RAB27A: variants seen among roughly 807,000 people sequenced by gnomAD.
The protein encoded by RAB27A is ras-related protein Rab-27A.
In RAB27A, 17 loss-of-function variants were observed where a neutral mutation model predicts 20.8. The observed-to-expected ratio is 0.82, with a 90% CI of 0.56 to 1.23. The LOEUF (loss-of-function observed/expected upper bound fraction) is 1.23. Ranked by LOEUF, RAB27A falls within the 50% of genes most tolerant of loss-of-function variation. The pLI is 0.00. For synonymous variants in RAB27A, 85 were observed against 92.8 expected, an observed-to-expected ratio of 0.92 and a Z score of 0.48; for missense variants, 277 against 266.7, an observed-to-expected ratio of 1.04 and a Z score of -0.27.
chr15:55,237,755 T>C (rs191560778), intron 2 of RAB27A, among the ~76,000 whole-genome samples: 7 of 152,140 alleles, frequency 4.6e-5, no homozygotes, highest in Admixed American at 6.5e-5. Flanking sequence ...GATCCTGCAG[T>C]GAGAATGATG....
Position 55,260,806 on chromosome 15 carries a change from C to T in RAB27A, c.-23+9359G>A, listed in dbSNP as rs185425359. Among the ~76,000 whole-genome samples the T allele has an allele frequency of 1.4e-3, 210 of 152,226 alleles. 1 individual carries two copies. Among genetic ancestry groups the T allele is most frequent in the African/African-American group, 4.9e-3 (202 of 41,528 alleles). ...AAGAGATGAATAGGCAGAGAACAGACGATTTTTAGGGCAGTGAAACTATTT... is the reference window on the plus strand; with the variant it reads ...AAGAGATGAATAGGCAGAGAACAGATGATTTTTAGGGCAGTGAAACTATTT... On this transcript the variant is annotated intron_variant, in intron 2 of 6. Transcript: ENST00000336787.
chr15:55,283,924 T>C (rs1031688319), intron 1 of RAB27A, among the ~76,000 whole-genome samples: 3 of 152,202 alleles, frequency 2.0e-5, no homozygotes, highest in Non-Finnish European at 4.4e-5. Flanking sequence ...CATACCCTGA[T>C]AGGACTTGAC....
chr15:55,251,773 A>G (rs548112877), intron 2 of RAB27A, among the ~76,000 whole-genome samples: 19 of 152,280 alleles, frequency 1.2e-4, no homozygotes, highest in Admixed American at 3.3e-4. Context: ...AAAAGTTCAG[A>G]TTTTCTCTAC....
chr15:55,303,853 C>T (rs1706791950), intron 2 of RAB27A, among the ~76,000 whole-genome samples: 1 of 137,486 alleles, frequency 7.3e-6, no homozygotes, highest in Non-Finnish European at 1.5e-5. Flanking sequence ...GGTCAGCCCC[C>T]CTGCCCAGCC....
In RAB27A at chr15:55,215,722, G is replaced by A. The variant is rs560729784; in HGVS notation, c.467+8167C>T. On this transcript the variant is annotated intron_variant, in intron 6 of 6. Coordinates refer to ENST00000336787, the MANE Select transcript of RAB27A (RefSeq NM_183235.3). Reference sequence around the variant, plus strand: ...CACGCCTGTAATCCCAGCACTTTGGGAGGCTGAGACGGGTGGATCACCTGA... The same window carrying A: ...CACGCCTGTAATCCCAGCACTTTGGAAGGCTGAGACGGGTGGATCACCTGA... Among the ~76,000 whole-genome samples the A allele has an allele frequency of 7.3e-5, 11 of 151,182 alleles. No individual in the cohort carries two copies. The South Asian group carries it at 2.3e-3, about 32-fold the overall frequency.
At chr15:55,316,234 C>CAA (rs1186678422) in intron 1 of RAB27A, among the ~76,000 whole-genome samples, 27 of 53,840 alleles carry the variant, frequency 5.0e-4, no homozygotes, top group African/African-American at 1.1e-3. Flanking sequence ...GACTCCGTCT[C>CAA]AAAAAAAAAA....
In RAB27A at chr15:55,228,632, A is replaced by C. The variant is rs1477388225; in HGVS notation, c.320T>G (p.Phe107Cys). The C allele has an allele frequency of 1.9e-6, 3 of 1,609,820 alleles. No individual in the cohort carries two copies. Among genetic ancestry groups the C allele is most frequent in the African/African-American group, 1.3e-5 (1 of 74,834 alleles). The change falls in exon 5 of 7, where the codon TTC becomes TGC. Residue 107 changes from phenylalanine to cysteine, a missense_variant. Physicochemically the swap from Phe to Cys is radical, Grantham distance 205. Coordinates refer to ENST00000336787, the MANE Select transcript of RAB27A (RefSeq NM_183235.3). ...ACTTATCCAGTTTCTGACATTGAGG[A>C]AACTTTGCTCATTTGTCAGATCAAA... Reference protein sequence around the residue: ...LLFDLTNEQSFLNVRNWISQL... With the variant: ...LLFDLTNEQSCLNVRNWISQL...
In RAB27A at chr15:55,286,908, T is replaced by C. The variant is rs530357349; in HGVS notation, c.-143+2808A>G. 1.5e-3 allele frequency among the ~76,000 whole-genome samples: 209 copies of C among 138,644 alleles called. 4 individuals carry two copies. In the South Asian group the frequency reaches 0.047, roughly 31 times the overall value. The allele number at this position is 138,644 out of a possible 152,430, so 91.0% of individuals were successfully genotyped here. On this transcript the variant is annotated intron_variant, in intron 1 of 6. Coordinates refer to ENST00000336787, the MANE Select transcript of RAB27A (RefSeq NM_183235.3). ...TGAGAAATGGTTATCATCCTAGATG[T>C]ATTCTTTTTTTTTTTTTTTTTTTTT...
upstream of RAB27A, among the ~76,000 whole-genome samples, chr15:55,294,589 G>GAAAAAAAAAAAAAAA (rs1181179911): frequency 7.2e-4 from 21 of 29,184 alleles, no homozygotes; most frequent in East Asian, 2.5e-3. Flanking sequence ...CCCTGTCTCC[G>GAAAAAAAAAAAAAAA]AAAAAAAAAA....
intron 4 of RAB27A, 36 bp from the exon 5 acceptor site, chr15:55,228,748 C>T (rs373147091): frequency 6.3e-5 from 89 of 1,410,422 alleles, no homozygotes; most frequent in Middle Eastern, 3.5e-4. Flanking sequence ...AGTTAAACCA[C>T]GGCCCCACTC....
At chr15:55,307,675 G>A (rs969728308) in intron 2 of RAB27A, among the ~76,000 whole-genome samples, 2 of 151,160 alleles carry the variant, frequency 1.3e-5, no homozygotes, top group African/African-American at 2.4e-5. Context: ...ACCAGTGAAA[G>A]TATCTACCCA....
Position 55,204,960 on chromosome 15 carries a change from T to G in RAB27A, c.*547A>C, listed in dbSNP as rs1894571280. 1 of 172,248 alleles carries G rather than the reference T, an allele frequency of 5.8e-6. No individual in the cohort carries two copies. The allele number at this position is 172,248 out of a possible 1,614,324, so 10.7% of individuals were successfully genotyped here. A position where few individuals can be genotyped will look rare whatever the true frequency, so the allele number is the denominator to read the frequency against. The stretch of plus-strand genomic sequence containing the variant: ...ATAGCCATGATTTGTCCTATATTCA[T>G]GTTAAATAGAATGCTTACATAAAAT... On this transcript the variant is annotated 3_prime_UTR_variant, in exon 7 of 7. Transcript: ENST00000336787.
At chr15:55,254,855 G>A (rs1056886688) in intron 2 of RAB27A, among the ~76,000 whole-genome samples, 1 of 152,220 alleles carries the variant, frequency 6.6e-6, no homozygotes. Context: ...AAAATCTGCG[G>A]CTTATGTCTA....
chr15:55,280,984 C>G (rs1226760579), intron 1 of RAB27A, among the ~76,000 whole-genome samples: 1 of 152,100 alleles, frequency 6.6e-6, no homozygotes, highest in Non-Finnish European at 1.5e-5. Flanking sequence ...GCATGTGTCT[C>G]TATAGTAGCA....
chr15:55,262,023 C>T (rs576125774), intron 2 of RAB27A, among the ~76,000 whole-genome samples: 11 of 144,986 alleles, frequency 7.6e-5, no homozygotes, highest in African/African-American at 1.5e-4. Context: ...GGTGACAGGG[C>T]GAGACTCCAT....
chr15:55,292,890 C>G (rs2054930580), upstream of RAB27A, among the ~76,000 whole-genome samples: 1 of 152,084 alleles, frequency 6.6e-6, no homozygotes, highest in Admixed American at 6.6e-5. Context: ...CAGATGAACA[C>G]CCAGCATTTA....
At chr15:55,312,165 C>T (rs543717503) in intron 2 of RAB27A, among the ~76,000 whole-genome samples, 45 of 152,310 alleles carry the variant, frequency 3.0e-4, no homozygotes, top group African/African-American at 1.0e-3. Context: ...ATGGGCGCCT[C>T]GCTGGATCAG....
chr15:55,290,428 A>C (rs1595751974), upstream of RAB27A: 1 of 152,274 alleles, frequency 6.6e-6, no homozygotes, highest in South Asian at 2.1e-4. Context: ...AATAAGTAAA[A>C]AATTTCGCAG....
At chr15:55,215,908 G>C (rs920003930) in intron 6 of RAB27A, among the ~76,000 whole-genome samples, 11 of 141,104 alleles carry the variant, frequency 7.8e-5, no homozygotes, top group South Asian at 2.2e-4. Context: ...ATCGTGCTAC[G>C]GCACTCAAGG....
Sources: allele counts gnomAD v4.1 joint callset (sites outside exome capture counted in the v4.1 genomes callset), GRCh38; gene constraint gnomAD v4.1.1; transcripts MANE v1.5; gene names NCBI Gene and HGNC (gene_info 2026-07-23, HGNC 2026-07-21).